Variants in BRIP1 observed in about 807,000 individuals in gnomAD.
The protein encoded by BRIP1 is Fanconi anemia group J protein.
A neutral mutation model predicts 119.7 loss-of-function variants in BRIP1; 88 were observed. The observed-to-expected ratio is 0.74, with a 90% CI of 0.62 to 0.88. BRIP1 has a LOEUF of 0.88. Ranked by LOEUF, BRIP1 falls within the 40% of genes least tolerant of loss-of-function variation. BRIP1 has a pLI of 0.00. For synonymous variants in BRIP1, 443 were observed against 496.5 expected, an observed-to-expected ratio of 0.89 and a Z score of 1.43; for missense variants, 1,259 against 1,455.4, an observed-to-expected ratio of 0.87 and a Z score of 2.20.
At chr17:61,850,484 A>T (rs2078802924) in intron 4 of BRIP1, among the ~76,000 whole-genome samples, 2 of 152,146 alleles carry the variant, frequency 1.3e-5, no homozygotes, top group Admixed American at 1.3e-4. Context: ...GCCCTAAAGG[A>T]TTTACAGCAG....
In BRIP1 at chr17:61,734,099, A is replaced by T. The variant is rs1156727645; in HGVS notation, c.2379+8914T>A. 6.6e-6 allele frequency among the ~76,000 whole-genome samples: 1 copy of T among 152,166 alleles called. No individual in the cohort carries two copies. The highest frequency in any genetic ancestry group is 1.9e-4 in the East Asian group (1 of 5,196). On this transcript the variant is annotated intron_variant, in intron 16 of 19. Transcript: ENST00000259008. The surrounding 1 kb of genome is among the most constrained non-coding windows in gnomAD (Gnocchi z 5.2). Reference sequence around the variant, plus strand: ...AAATAAAATGCAATTTTAAAACCTAAATATATTTGTACCTTATCATATCTC... The same window carrying T: ...AAATAAAATGCAATTTTAAAACCTATATATATTTGTACCTTATCATATCTC...
At position 61,861,323 on chromosome 17, in the gene BRIP1, C is replaced by T. The variant is rs2078969123; in HGVS notation, c.93+124G>A. ...AGTTTCCCAGAGGTTAGATATTCTT[C>T]CAAGTGAACCCAGAAAATATTCTCC... On this transcript the variant is annotated intron_variant, in intron 2 of 19. Transcript: ENST00000259008. This position sits in a 1 kb window ranked among gnomAD's most constrained non-coding sequence, Gnocchi z 4.5. 1.4e-6 allele frequency: 1 copy of T among 736,224 alleles called. No individual in the cohort carries two copies. The highest frequency in any genetic ancestry group is 3.7e-4 in the Middle Eastern group (1 of 2,722). 45.6% of individuals were successfully genotyped at this position (736,224 alleles called of 1,614,324 possible). A position where few individuals can be genotyped will look rare whatever the true frequency, so the allele number is the denominator to read the frequency against.
In BRIP1 at chr17:61,774,866, T is replaced by C. The variant is rs1341241313; in HGVS notation, c.2097+1535A>G. 6.6e-6 allele frequency among the ~76,000 whole-genome samples: 1 copy of C among 152,236 alleles called. No individual in the cohort carries two copies. The highest frequency in any genetic ancestry group is 1.5e-5 in the Non-Finnish European group (1 of 68,032). ...AAATGTCTGTAACTAAAATTCATACTGTCTGCTATATGCATTCCAAGCCTA... is the reference window on the plus strand; with the variant it reads ...AAATGTCTGTAACTAAAATTCATACCGTCTGCTATATGCATTCCAAGCCTA... On this transcript the variant is annotated intron_variant, in intron 14 of 19. Transcript: ENST00000259008. The surrounding 1 kb of genome is among the most constrained non-coding windows in gnomAD (Gnocchi z 5.8).
intron 16 of BRIP1, among the ~76,000 whole-genome samples, chr17:61,723,335 A>T (rs1049742262): frequency 6.6e-6 from 1 of 152,206 alleles, no homozygotes; most frequent in African/African-American, 2.4e-5. Context: ...TCATCCTTAT[A>T]AACACATTCT....
intron 17 of BRIP1, among the ~76,000 whole-genome samples, chr17:61,711,242 G>A: frequency 1.3e-5 from 2 of 151,960 alleles, no homozygotes; most frequent in East Asian, 3.9e-4. Context: ...GAAATTCAAG[G>A]CATTGCTTAT....
intron 11 of BRIP1, among the ~76,000 whole-genome samples, chr17:61,781,921 A>G (rs1438212790): frequency 8.0e-5 from 1 of 12,546 alleles, no homozygotes; most frequent in Admixed American, 1.1e-3. Flanking sequence ...ACTCCATCTC[A>G]AAAAAAAAAA....
At position 61,861,384 on chromosome 17, in the gene BRIP1, T is replaced by C; in HGVS notation, c.93+63A>G. The C allele has an allele frequency of 4.7e-6, 5 of 1,075,040 alleles. No homozygotes were observed. Among genetic ancestry groups the C allele is most frequent in the Admixed American group, 3.5e-5 (2 of 57,648 alleles). The allele number at this position is 1,075,040 out of a possible 1,614,324, so 66.6% of individuals were successfully genotyped here. On this transcript the variant is annotated intron_variant, in intron 2 of 19. Transcript: ENST00000259008. This position sits in a 1 kb window ranked among gnomAD's most constrained non-coding sequence, Gnocchi z 4.5. ...AATATGAATGCAGTCAAATACTCAA[T>C]GTACTTTATGGGTCATAAGTATCTA...
chr17:61,765,999 C>G (rs894583887), intron 14 of BRIP1, among the ~76,000 whole-genome samples: 1 of 151,942 alleles, frequency 6.6e-6, no homozygotes, highest in Non-Finnish European at 1.5e-5. Flanking sequence ...AGCTCATAAT[C>G]AAAAACAAAT....
rs1449244377 is a variant in BRIP1, at chr17:61,706,404, T to C, written c.2492+9547A>G. On this transcript the variant is annotated intron_variant, in intron 17 of 19. Transcript: ENST00000259008. The surrounding 1 kb of genome is among the most constrained non-coding windows in gnomAD (Gnocchi z 5.7). ...CGCCCAAACTATTTTTTAAAGTTAATTTTAGCTTTGTAAATTTTAACTTTT... is the reference window on the plus strand; with the variant it reads ...CGCCCAAACTATTTTTTAAAGTTAACTTTAGCTTTGTAAATTTTAACTTTT... Among the ~76,000 whole-genome samples, 1 of 152,202 alleles carries C rather than the reference T, an allele frequency of 6.6e-6. No homozygotes were observed. The highest frequency in any genetic ancestry group is 2.4e-5 in the African/African-American group (1 of 41,464).
rs933837670 is a variant in BRIP1 at position 61,845,140 on chromosome 17, T to C, written c.627+1961A>G. On this transcript the variant is annotated intron_variant, in intron 6 of 19. Coordinates refer to ENST00000259008, the MANE Select transcript of BRIP1 (RefSeq NM_032043.3). This position sits in a 1 kb window ranked among gnomAD's most constrained non-coding sequence, Gnocchi z 4.2. ...AAACACTGTGGCAGAGCTCAACATA[T>C]AGCTTACATTATAATGATGTTGATG... Among the ~76,000 whole-genome samples the C allele has an allele frequency of 3.9e-5, 6 of 152,192 alleles. No individual in the cohort carries two copies. The highest frequency in any genetic ancestry group is 1.3e-4 in the Admixed American group (2 of 15,282).
intron 3 of BRIP1, among the ~76,000 whole-genome samples, chr17:61,858,537 C>T (rs752840448): frequency 7.9e-5 from 12 of 152,180 alleles, no homozygotes; most frequent in Admixed American, 4.6e-4. Flanking sequence ...CCTCACCAGG[C>T]TAATTTTGTA....
rs992789455 is a variant in BRIP1 at position 61,720,986 on chromosome 17, C to T, written c.2380-4923G>A. Among the ~76,000 whole-genome samples, 4 of 151,774 alleles carry T rather than the reference C, an allele frequency of 2.6e-5. No homozygotes were observed. The highest frequency in any genetic ancestry group is 4.8e-5 in the African/African-American group (2 of 41,292). On this transcript the variant is annotated intron_variant, in intron 16 of 19. Coordinates refer to ENST00000259008, the MANE Select transcript of BRIP1 (RefSeq NM_032043.3). The surrounding 1 kb of genome is among the most constrained non-coding windows in gnomAD (Gnocchi z 4.3). ...CCTCCCAAGTAGCTGGGACTACAGG[C>T]GGCCGCCACCATGCCTAGCTAATTT...
chr17:61,744,683 T>C lies in BRIP1; in HGVS notation c.2098-92A>G. ...TAAGCCAATGTGACTACGGCAAGTA[T>C]ATTAATCTCTCTGTGTCTTTTCTCA... On this transcript the variant is annotated intron_variant, in intron 14 of 19. Transcript: ENST00000259008. This position sits in a 1 kb window ranked among gnomAD's most constrained non-coding sequence, Gnocchi z 5.0. 3 of 1,077,982 alleles carry C rather than the reference T, an allele frequency of 2.8e-6. No individual in the cohort carries two copies. The highest frequency in any genetic ancestry group is 2.5e-5 in the South Asian group (2 of 78,726). 66.8% of individuals were successfully genotyped at this position (1,077,982 alleles called of 1,614,324 possible).
chr17:61,753,435 A>C lies in BRIP1; in HGVS notation c.2098-8844T>G, dbSNP rs541409998. ...ATCCAAATGGAAATGTTGATATGGC[A>C]GTTGGGTATATGGGCATAGTACTTA... On this transcript the variant is annotated intron_variant, in intron 14 of 19. Coordinates refer to ENST00000259008, the MANE Select transcript of BRIP1 (RefSeq NM_032043.3). This position sits in a 1 kb window ranked among gnomAD's most constrained non-coding sequence, Gnocchi z 4.6. Among the ~76,000 whole-genome samples the C allele has an allele frequency of 6.6e-6, 1 of 152,278 alleles. No individual in the cohort carries two copies. The highest frequency in any genetic ancestry group is 1.5e-5 in the Non-Finnish European group (1 of 68,018).
rs775325806 is a variant in BRIP1, at chr17:61,841,715, A to G, written c.627+5386T>C. On this transcript the variant is annotated intron_variant, in intron 6 of 19. Coordinates refer to ENST00000259008, the MANE Select transcript of BRIP1 (RefSeq NM_032043.3). This position sits in a 1 kb window ranked among gnomAD's most constrained non-coding sequence, Gnocchi z 4.1. ...AATCCTACTACTATTTATCCAAAGGAAAGAAAATCTAGAGTACAGTAGCAT... is the reference window on the plus strand; with the variant it reads ...AATCCTACTACTATTTATCCAAAGGGAAGAAAATCTAGAGTACAGTAGCAT... 4.6e-5 allele frequency among the ~76,000 whole-genome samples: 7 copies of G among 152,180 alleles called. No individual in the cohort carries two copies. Among genetic ancestry groups the G allele is most frequent in the Non-Finnish European group, 1.0e-4 (7 of 68,032 alleles).
rs1368504492 is a variant in BRIP1, at chr17:61,806,397, C to T, written c.918+2070G>A. Among the ~76,000 whole-genome samples the T allele has an allele frequency of 2.0e-5, 3 of 152,056 alleles. No individual in the cohort carries two copies. Among genetic ancestry groups the T allele is most frequent in the Non-Finnish European group, 2.9e-5 (2 of 68,014 alleles). On this transcript the variant is annotated intron_variant, in intron 7 of 19. Transcript: ENST00000259008. The surrounding 1 kb of genome is among the most constrained non-coding windows in gnomAD (Gnocchi z 4.9). ...TGCCCGTGAGGTAAGCATTCTGAGG[C>T]AGAATTAGGTCAAGACAAACCACAA...
intron 17 of BRIP1, among the ~76,000 whole-genome samples, chr17:61,698,402 G>A (rs1002844406): frequency 2.0e-5 from 3 of 152,072 alleles, no homozygotes; most frequent in East Asian, 1.9e-4. Context: ...ATGGATGAAC[G>A]GATGGCCTAT....
At chr17:61,781,400 G>A (rs2077617326) in intron 11 of BRIP1, among the ~76,000 whole-genome samples, 1 of 152,176 alleles carries the variant, frequency 6.6e-6, no homozygotes, top group African/African-American at 2.4e-5. Context: ...TGGTTAAAGA[G>A]ACTAAAAGGT....
In BRIP1 at chr17:61,803,831, A is replaced by G. The variant is rs1162686092; in HGVS notation, c.919-2357T>C. Among the ~76,000 whole-genome samples, 3 of 152,192 alleles carry G rather than the reference A, an allele frequency of 2.0e-5. No individual in the cohort carries two copies. The highest frequency in any genetic ancestry group is 6.5e-5 in the Admixed American group (1 of 15,276). On this transcript the variant is annotated intron_variant, in intron 7 of 19. Transcript: ENST00000259008. The surrounding 1 kb of genome is among the most constrained non-coding windows in gnomAD (Gnocchi z 4.3). ...TTAAAATTTTACCATTAATGTGAAT[A>G]GATGTACCCTGTACTGTTAAATAGC...
Sources: gnomAD v4.1 joint callset for allele counts (sites outside exome capture counted in the v4.1 genomes callset) on GRCh38, gnomAD v4.1.1 for gene constraint, Gnocchi (gnomAD v3.1) non-coding constraint, MANE v1.5 for transcripts, NCBI Gene and HGNC (gene_info 2026-07-23, HGNC 2026-07-21) for gene names.